Variants in TLE4 observed in about 807,000 individuals in gnomAD.
The protein encoded by TLE4 is transducin-like enhancer protein 4.
In TLE4, 8 loss-of-function variants were observed where a neutral mutation model predicts 92.8. The observed-to-expected ratio is 0.09, with a 90% CI of 0.05 to 0.16. The LOEUF is 0.16. Among genes scored for constraint, TLE4 ranks in the 10% least tolerant of loss-of-function variants. TLE4 has a pLI of 1.00. For synonymous variants in TLE4, 371 were observed against 374.1 expected (o/e 0.99, Z 0.10); for missense variants, 675 against 997.6 (o/e 0.68, Z 4.36).
chr9:79,671,306 C>G (rs2062296096), intron 8 of TLE4: 1 of 455,852 alleles, frequency 2.2e-6, no homozygotes, highest in Admixed American at 2.3e-5. Context: ...AAAAGACATT[C>G]ACCTGCCATG....
intron 4 of TLE4, among the ~76,000 whole-genome samples, chr9:79,597,984 G>A (rs1229858291): frequency 6.6e-6 from 1 of 150,474 alleles, no homozygotes; most frequent in Non-Finnish European, 1.5e-5. Context: ...TGTAATCCCA[G>A]CATTTTGGGA....
At chr9:79,601,708 C>T (rs955333296) in intron 4 of TLE4, among the ~76,000 whole-genome samples, 1 of 152,092 alleles carries the variant, frequency 6.6e-6, no homozygotes, top group Middle Eastern at 3.2e-3. Flanking sequence ...TCAGGCTTCC[C>T]CATTCTCTGA....
chr9:79,637,770 T>A (rs2056262364), intron 6 of TLE4, among the ~76,000 whole-genome samples: 1 of 152,150 alleles, frequency 6.6e-6, no homozygotes. Context: ...TGTCCTTGGA[T>A]CTTCTGGAAT....
At chr9:79,672,753 G>A (rs2062621319) in intron 8 of TLE4, among the ~76,000 whole-genome samples, 2 of 152,090 alleles carry the variant, frequency 1.3e-5, no homozygotes, top group South Asian at 4.1e-4. Flanking sequence ...ACATTTCTCT[G>A]TTTATCAGAA....
At chr9:79,637,594 C>T (rs2056205536) in intron 6 of TLE4, among the ~76,000 whole-genome samples, 1 of 152,214 alleles carries the variant, frequency 6.6e-6, no homozygotes, top group Admixed American at 6.5e-5. Context: ...GCTGGGTCCA[C>T]ATACTAAGTG....
At chr9:79,599,716 G>A (rs2045089341) in intron 4 of TLE4, among the ~76,000 whole-genome samples, 1 of 152,192 alleles carries the variant, frequency 6.6e-6, no homozygotes, top group Non-Finnish European at 1.5e-5. Flanking sequence ...ACACTTTTAT[G>A]TATATAATAC....
chr9:79,621,235 G>A (rs149010354), intron 5 of TLE4, among the ~76,000 whole-genome samples: 175 of 152,204 alleles, frequency 1.1e-3, no homozygotes, highest in African/African-American at 4.1e-3. Context: ...GACATGGAGC[G>A]ACACTTTCAC....
chr9:79,618,620 T>G (rs909222627), intron 5 of TLE4, among the ~76,000 whole-genome samples: 3 of 152,052 alleles, frequency 2.0e-5, no homozygotes, highest in Non-Finnish European at 4.4e-5. Flanking sequence ...ATGGACATTT[T>G]CCTCCTTCTA....
At chr9:79,631,248 C>T (rs1262219153) in intron 6 of TLE4, among the ~76,000 whole-genome samples, 1 of 152,146 alleles carries the variant, frequency 6.6e-6, no homozygotes, top group African/African-American at 2.4e-5. Flanking sequence ...TGTTAGAGAA[C>T]TCCAAGGAAG....
intron 8 of TLE4, among the ~76,000 whole-genome samples, chr9:79,670,194 GA>G (rs989081191): frequency 4.4e-5 from 6 of 135,532 alleles, no homozygotes; most frequent in East Asian, 2.1e-4. Context: ...AGTTAAATAA[GA>G]AAAAAAAAAG....
Position 79,575,390 on chromosome 9 carries a change from G to A in TLE4, c.207+454G>A, listed in dbSNP as rs1246069505. On this transcript the variant is annotated intron_variant, in intron 3 of 19. Transcript: ENST00000376552. The stretch of plus-strand genomic sequence containing the variant: ...TTTTATTTCTTTGAAAAGGAGTGAT[G>A]GATAAGGAAAGACAGCAGACCATTT... Among the ~76,000 whole-genome samples the A allele has an allele frequency of 2.6e-5, 4 of 151,976 alleles. No individual in the cohort carries two copies. The East Asian group carries it at 7.7e-4, about 29-fold the overall frequency.
intron 8 of TLE4, among the ~76,000 whole-genome samples, chr9:79,681,864 A>ATGTGTGTGTGTG (rs1381982823): frequency 1.4e-5 from 1 of 70,646 alleles, no homozygotes; most frequent in East Asian, 4.9e-4. Context: ...GTGTGTGTGT[A>ATGTGTGTGTGTG]TGTGTGTGTG....
At chr9:79,673,442 A>G (rs960107510) in intron 8 of TLE4, among the ~76,000 whole-genome samples, 1 of 152,190 alleles carries the variant, frequency 6.6e-6, no homozygotes, top group Admixed American at 6.5e-5. Flanking sequence ...TTTTTCTTTC[A>G]TGAGTTCCTT....
chr9:79,612,523 A>G (rs1452852438), intron 4 of TLE4, 133 bp from the exon 5 acceptor site: 2 of 756,286 alleles, frequency 2.6e-6, no homozygotes, highest in Non-Finnish European at 4.6e-6. Context: ...CTGATGAGAT[A>G]GTTTTCCTCT....
chr9:79,632,272 A>G (rs141436978), intron 6 of TLE4, among the ~76,000 whole-genome samples: 5 of 152,298 alleles, frequency 3.3e-5, no homozygotes, highest in Non-Finnish European at 4.4e-5. Flanking sequence ...TCTGGGGGAG[A>G]CACCTGTAAG....
chr9:79,708,880 G>A, intron 13 of TLE4, 94 bp downstream of exon 13: 1 of 1,407,004 alleles, frequency 7.1e-7, no homozygotes, highest in Non-Finnish European at 9.5e-7. Flanking sequence ...CACCCAGCCT[G>A]GAGTGCAGTG....
At chr9:79,695,544 T>C (rs1458365755) in intron 8 of TLE4, among the ~76,000 whole-genome samples, 1 of 152,238 alleles carries the variant, frequency 6.6e-6, no homozygotes, top group African/African-American at 2.4e-5. Context: ...CCCATTCATT[T>C]GTTCAGCAGC....
At chr9:79,577,493 A>G (rs1350733296) in intron 4 of TLE4, among the ~76,000 whole-genome samples, 2 of 152,214 alleles carry the variant, frequency 1.3e-5, no homozygotes, top group African/African-American at 4.8e-5. Flanking sequence ...TTATTTTGGC[A>G]TCTTTGTCAT....
chr9:79,660,496 A>C (rs558124446), intron 8 of TLE4, among the ~76,000 whole-genome samples: 15 of 152,374 alleles, frequency 9.8e-5, no homozygotes, highest in Middle Eastern at 3.4e-3. Context: ...ATTTCCCAAA[A>C]TAACAAAATA....
Sources: gnomAD v4.1 joint callset for allele counts (sites outside exome capture counted in the v4.1 genomes callset) on GRCh38, gnomAD v4.1.1 for gene constraint, MANE v1.5 for transcripts, NCBI Gene and HGNC (gene_info 2026-07-23, HGNC 2026-07-21) for gene names.